RNF115: variants seen among roughly 807,000 people sequenced by gnomAD.
RNF115 encodes the protein E3 ubiquitin-protein ligase RNF115.
In RNF115, 31 loss-of-function variants were observed where a neutral mutation model predicts 39.2. The observed-to-expected ratio is 0.79, with a 90% CI of 0.59 to 1.07. RNF115 has a LOEUF of 1.07. Among genes scored for constraint, RNF115 ranks in the 50% least tolerant of loss-of-function variants. RNF115 has a pLI of 0.00. For missense variants in RNF115, 384 were observed against 381.7 expected, an observed-to-expected ratio of 1.01 and a Z score of -0.05; for synonymous variants, 124 against 131.0, an observed-to-expected ratio of 0.95 and a Z score of 0.37.
At chr1:145,818,045 C>T (rs1389626971) in intron 1 of RNF115, among the ~76,000 whole-genome samples, 4 of 150,698 alleles carry the variant, frequency 2.7e-5, no homozygotes, top group South Asian at 4.2e-4. Context: ...CTCTTGTGAA[C>T]AGTGCCACAA....
In RNF115 at chr1:145,803,274, T is replaced by C. The variant is rs587650229; in HGVS notation, c.103-14308A>G. ...CCACAGTTTCAGTGTTACACAAGGATACCTATACAATTTAAATACTGTTTG... is the reference window on the plus strand; with the variant it reads ...CCACAGTTTCAGTGTTACACAAGGACACCTATACAATTTAAATACTGTTTG... On this transcript the variant is annotated intron_variant, in intron 1 of 8. Transcript: ENST00000582693. 5.9e-5 allele frequency among the ~76,000 whole-genome samples: 9 copies of C among 152,286 alleles called. No homozygotes were observed. In the South Asian group the frequency reaches 1.9e-3, roughly 32 times the overall value.
chr1:145,816,659 G>T (rs1465835585), intron 1 of RNF115, among the ~76,000 whole-genome samples: 1 of 143,586 alleles, frequency 7.0e-6, no homozygotes, highest in Non-Finnish European at 1.6e-5. Context: ...ATTAAAAGCT[G>T]ATGTAAACTC....
intron 4 of RNF115, among the ~76,000 whole-genome samples, chr1:145,757,117 T>G (rs782263350): frequency 6.6e-6 from 1 of 152,056 alleles, no homozygotes; most frequent in Non-Finnish European, 1.5e-5. Context: ...ATTACAGGAG[T>G]AAGCCACCGC....
At chr1:145,748,154 AAAG>A in intron 7 of RNF115, 44 bp from the exon 8 acceptor site, 1 of 1,410,302 alleles carries the variant, frequency 7.1e-7, no homozygotes, top group Non-Finnish European at 1.0e-6. Flanking sequence ...AGGCAAAAGG[AAAG>A]AAGAAAAAAC....
At chr1:145,750,307 T>G in intron 7 of RNF115, 100 bp downstream of exon 7, 1 of 952,708 alleles carries the variant, frequency 1.0e-6, no homozygotes, top group Non-Finnish European at 1.6e-6. Flanking sequence ...TTTTTTGTCT[T>G]TTTATTTTGT....
At chr1:145,812,795 T>A in intron 1 of RNF115, among the ~76,000 whole-genome samples, 1 of 151,726 alleles carries the variant, frequency 6.6e-6, no homozygotes, top group African/African-American at 2.4e-5. Flanking sequence ...TTTTTTTAAT[T>A]TTTTTTTAAG....
chr1:145,823,341 CAAGG>C (rs1650371581), intron 1 of RNF115, among the ~76,000 whole-genome samples: 2 of 114,866 alleles, frequency 1.7e-5, no homozygotes. Flanking sequence ...GCTTCACTGA[CAAGG>C]GAGGTGGCGG....
rs782185428 is a variant in RNF115, at chr1:145,746,945, C to T, written c.836G>A (p.Arg279Gln). 24 of 1,613,814 alleles carry T rather than the reference C, an allele frequency of 1.5e-5. No individual in the cohort carries two copies. Among genetic ancestry groups the T allele is most frequent in the Non-Finnish European group, 2.0e-5 (24 of 1,179,914 alleles). ...AGAGGCCTCAGTGCTCTGGCTTTGC[C>T]GAGTAGAGTCCTCACCATTTAAGCT... ...RKSLNGEDST[R>Q]QSQSTEASAS... The change falls in exon 9 of 9, where the codon CGG becomes CAG. Residue 279 changes from arginine (R) to glutamine (Q), a missense_variant. Coordinates refer to ENST00000582693, the MANE Select transcript of RNF115 (RefSeq NM_014455.4).
At chr1:145,772,332 G>A (rs898724929) in intron 3 of RNF115, 12 of 168,440 alleles carry the variant, frequency 7.1e-5, no homozygotes, top group Non-Finnish European at 1.0e-4. Flanking sequence ...TGCATGTTTC[G>A]GTCCTATGCC....
intron 3 of RNF115, among the ~76,000 whole-genome samples, chr1:145,780,783 CT>C (rs1366839518): frequency 3.3e-5 from 5 of 152,016 alleles, no homozygotes; most frequent in African/African-American, 1.2e-4. Context: ...CCTGAGAGCT[CT>C]TTTTTCCAGA....
chr1:145,749,126 T>C (rs1340377219), intron 7 of RNF115, among the ~76,000 whole-genome samples: 2 of 152,152 alleles, frequency 1.3e-5, no homozygotes, highest in African/African-American at 4.8e-5. Context: ...AGCTAGTCTA[T>C]ACGCCTAGTG....
rs186266765 is a variant in RNF115 at position 145,743,348 on chromosome 1, C to A, written c.*3518G>T. ...GTCTTTTCCTGCCTCTGAACTGGAA[C>A]AGAAACATCAGCTCTTCTAGGGTAT... On this transcript the variant is annotated 3_prime_UTR_variant, in exon 9 of 9. Coordinates refer to ENST00000582693, the MANE Select transcript of RNF115 (RefSeq NM_014455.4). 2 of 152,280 alleles carry A rather than the reference C, an allele frequency of 1.3e-5. No individual in the cohort carries two copies. Among genetic ancestry groups the A allele is most frequent in the African/African-American group, 2.4e-5 (1 of 41,436 alleles). 9.4% of individuals were successfully genotyped at this position (152,280 alleles called of 1,614,324 possible).
chr1:145,795,016 CAAAAAAAAAA>C (rs782249648), intron 1 of RNF115, among the ~76,000 whole-genome samples: 14 of 78,300 alleles, frequency 1.8e-4, no homozygotes, highest in South Asian at 4.9e-4. Context: ...GACTCCATTT[CAAAAAAAAAA>C]AAAAAAAAAA....
chr1:145,741,446 A>T lies in RNF115; in HGVS notation c.*5420T>A, dbSNP rs921871027. ...TATTTTGATCCTGGAAAGCATCACC[A>T]GCTGTATACATTGTATTCTATGCAT... is the stretch of plus-strand genomic sequence containing the variant. On this transcript the variant is annotated 3_prime_UTR_variant, in exon 9 of 9. Coordinates refer to ENST00000582693, the MANE Select transcript of RNF115 (RefSeq NM_014455.4). 1 of 152,246 alleles carries T rather than the reference A, an allele frequency of 6.6e-6. No individual in the cohort carries two copies. Among genetic ancestry groups the T allele is most frequent in the Admixed American group, 6.5e-5 (1 of 15,284 alleles). 9.4% of individuals were successfully genotyped at this position (152,246 alleles called of 1,614,324 possible).
chr1:145,773,098 A>C (rs1204712573), intron 3 of RNF115: 1 of 152,180 alleles, frequency 6.6e-6, no homozygotes, highest in South Asian at 2.1e-4. Context: ...TTGAGACATT[A>C]TTATCTTGAA....
intron 4 of RNF115, among the ~76,000 whole-genome samples, chr1:145,757,448 A>C (rs1041095304): frequency 3.0e-4 from 46 of 152,226 alleles, no homozygotes; most frequent in African/African-American, 1.1e-3. Context: ...CGAAGTTTTA[A>C]AAAGAAACAC....
chr1:145,768,774 T>C (rs1647503913), intron 4 of RNF115, among the ~76,000 whole-genome samples: 1 of 152,190 alleles, frequency 6.6e-6, no homozygotes, highest in Non-Finnish European at 1.5e-5. Flanking sequence ...TCAATCAATT[T>C]TTAAAAATGT....
chr1:145,794,546 GA>G (rs1648850938), intron 1 of RNF115, among the ~76,000 whole-genome samples: 1 of 113,096 alleles, frequency 8.8e-6, no homozygotes, highest in East Asian at 2.5e-4. Flanking sequence ...GTCTCACTCT[GA>G]CGCACAGGCT....
At chr1:145,761,021 G>A (rs1212791452) in intron 4 of RNF115, among the ~76,000 whole-genome samples, 1 of 152,154 alleles carries the variant, frequency 6.6e-6, no homozygotes, top group Non-Finnish European at 1.5e-5. Flanking sequence ...CAAAGAGACT[G>A]GCAGCATTTT....
Sources: allele counts gnomAD v4.1 joint callset (sites outside exome capture counted in the v4.1 genomes callset), GRCh38; gene constraint gnomAD v4.1.1; transcripts MANE v1.5; gene names NCBI Gene and HGNC (gene_info 2026-07-23, HGNC 2026-07-21).